Variants in KIF1C observed in about 807,000 individuals in gnomAD.
The protein encoded by KIF1C is kinesin-like protein KIF1C.
A neutral mutation model predicts 126.5 loss-of-function variants in KIF1C; 61 were observed. The ratio of observed to expected loss-of-function variants is 0.48; its 90% confidence interval spans 0.39 to 0.60. KIF1C has a LOEUF of 0.60. Ranked by LOEUF, KIF1C falls within the 20% of genes least tolerant of loss-of-function variation. KIF1C has a pLI of 0.00. For missense variants in KIF1C, 1,315 were observed against 1,489.2 expected, an observed-to-expected ratio of 0.88 and a Z score of 1.93; for synonymous variants, 640 against 580.6, an observed-to-expected ratio of 1.10 and a Z score of -1.47.
rs202231042 is a variant in KIF1C, at chr17:5,004,550, A to T, written c.941-17A>T. The T allele has an allele frequency of 1.0e-4, 166 of 1,613,040 alleles. No individual in the cohort carries two copies. The highest frequency in any genetic ancestry group is 1.6e-4 in the Middle Eastern group (1 of 6,076). ...CCCCTCCCTCAGCTGAAGCTTTTCCATGCACTCCATTCACAGGGGGGAACT... is the reference window on the plus strand; with the variant it reads ...CCCCTCCCTCAGCTGAAGCTTTTCCTTGCACTCCATTCACAGGGGGGAACT... On this transcript the variant is annotated splice_polypyrimidine_tract_variant and intron_variant, in intron 11 of 22. Coordinates refer to ENST00000320785, the MANE Select transcript of KIF1C (RefSeq NM_006612.6).
intron 13 of KIF1C, among the ~76,000 whole-genome samples, chr17:5,005,620 A>G (rs192354709): frequency 2.6e-4 from 39 of 152,156 alleles, no homozygotes; most frequent in African/African-American, 8.9e-4. Context: ...CATTTGAGGG[A>G]TTTTCTTGCA....
At chr17:5,008,317 A>C (rs780454818) in intron 16 of KIF1C, among the ~76,000 whole-genome samples, 3 of 152,220 alleles carry the variant, frequency 2.0e-5, no homozygotes, top group Non-Finnish European at 4.4e-5. Context: ...ATAGACAGCC[A>C]GCACCGCTGT....
chr17:5,005,653 T>C (rs533567886), intron 13 of KIF1C, among the ~76,000 whole-genome samples: 1 of 152,184 alleles, frequency 6.6e-6, no homozygotes, highest in African/African-American at 2.4e-5. Context: ...GTAAGGACTT[T>C]TTATCCCAGA....
chr17:5,005,745 T>G (rs1049908728), intron 13 of KIF1C, among the ~76,000 whole-genome samples: 1 of 145,430 alleles, frequency 6.9e-6, no homozygotes, highest in East Asian at 2.0e-4. Flanking sequence ...TTTTTTTTTT[T>G]GAGATGGAGT....
At chr17:5,009,237 C>A (rs542900574) in intron 16 of KIF1C, among the ~76,000 whole-genome samples, 1 of 151,052 alleles carries the variant, frequency 6.6e-6, no homozygotes, top group Non-Finnish European at 1.5e-5. Context: ...TGGAGTGCAA[C>A]GGTGCAATCT....
intron 18 of KIF1C, among the ~76,000 whole-genome samples, chr17:5,015,390 TCTC>T (rs1974951293): frequency 6.6e-6 from 1 of 151,722 alleles, no homozygotes; most frequent in Non-Finnish European, 1.5e-5. Context: ...TTCAAGCAAT[TCTC>T]CTGCCTCAGC....
chr17:5,023,588 C>A lies in KIF1C; in HGVS notation c.2749C>A (p.Pro917Thr), dbSNP rs200436795. 1.2e-4 allele frequency: 186 copies of A among 1,613,562 alleles called. No individual in the cohort carries two copies. The highest frequency in any genetic ancestry group is 1.5e-4 in the Non-Finnish European group (178 of 1,179,892). Residue 917 changes from proline (P) to threonine (T), a missense_variant, in exon 23 of 23, where the codon CCA becomes ACA. This residue lies in a region of KIF1C where 441 missense variants were observed against 436.1 expected (regional missense o/e 1.01). Transcript: ENST00000320785. The surrounding 1 kb of genome is among the most constrained non-coding windows in gnomAD (Gnocchi z 4.2). ...GCCGTCAGCCCGGCCCCCCTCGCCA[C>A]CACTGTCAAGCTGGGAGCGGGTGTC... is the stretch of plus-strand genomic sequence containing the variant. ...RMPSARPPSP[P>T]LSSWERVSRL...
At position 5,003,602 on chromosome 17, in the gene KIF1C, C is replaced by T. The variant is rs2143317663; in HGVS notation, c.721-10C>T. The T allele has an allele frequency of 3.1e-6, 5 of 1,606,506 alleles. No homozygotes were observed. The highest frequency in any genetic ancestry group is 4.3e-6 in the Non-Finnish European group (5 of 1,175,494). On this transcript the variant is annotated splice_polypyrimidine_tract_variant and intron_variant, in intron 8 of 22. Transcript: ENST00000320785. ...GCACCTTATCTCCTGCCTGTTTCCT[C>T]TGACCCCAGGTCAGTAAGATCAGTT... is the stretch of plus-strand genomic sequence containing the variant.
intron 21 of KIF1C, among the ~76,000 whole-genome samples, chr17:5,021,557 G>A (rs1975091581): frequency 6.6e-6 from 1 of 151,968 alleles, no homozygotes; most frequent in Non-Finnish European, 1.5e-5. Flanking sequence ...ATAGCTCACT[G>A]CAGCCTCGAA....
intron 16 of KIF1C, among the ~76,000 whole-genome samples, chr17:5,009,259 A>G (rs1974807061): frequency 6.6e-6 from 1 of 151,392 alleles, no homozygotes. Flanking sequence ...GGCTGACTGC[A>G]ACCTCCGCCT....
intron 18 of KIF1C, among the ~76,000 whole-genome samples, chr17:5,016,570 C>T (rs1033453079): frequency 1.3e-5 from 2 of 149,944 alleles, no homozygotes; most frequent in Non-Finnish European, 3.0e-5. Context: ...TAAAAAATAA[C>T]AAAAGACGCT....
intron 16 of KIF1C, among the ~76,000 whole-genome samples, chr17:5,013,265 A>T (rs1183416091): frequency 6.6e-6 from 1 of 152,138 alleles, no homozygotes; most frequent in Non-Finnish European, 1.5e-5. Flanking sequence ...ACAGAGGAAT[A>T]TAGGGAAGAA....
rs1975182579 is a variant in KIF1C at position 5,024,938 on chromosome 17, C to G, written c.*787C>G. The G allele has an allele frequency of 6.6e-6, 1 of 151,634 alleles. No individual in the cohort carries two copies. The highest frequency in any genetic ancestry group is 2.4e-5 in the African/African-American group (1 of 41,114). 9.4% of individuals were successfully genotyped at this position (151,634 alleles called of 1,614,324 possible). A position where few individuals can be genotyped will look rare whatever the true frequency, so the allele number is the denominator to read the frequency against. ...GCTTTTTTTTTTTGGGAGACAGGGT[C>G]TTGCTTTGTTGCCCAGGCTGGAGGT... On this transcript the variant is annotated 3_prime_UTR_variant, in exon 23 of 23. Transcript: ENST00000320785.
At chr17:5,015,509 C>A (rs1296335808) in intron 18 of KIF1C, among the ~76,000 whole-genome samples, 2 of 151,502 alleles carry the variant, frequency 1.3e-5, no homozygotes, top group African/African-American at 4.8e-5. Context: ...GTCTCGAACT[C>A]CTGACCTCAG....
At chr17:5,013,315 G>C (rs1451722929) in intron 16 of KIF1C, among the ~76,000 whole-genome samples, 2 of 152,134 alleles carry the variant, frequency 1.3e-5, no homozygotes, top group African/African-American at 4.8e-5. Context: ...GAGGGAGCCT[G>C]GTGGGTCGAG....
intron 18 of KIF1C, among the ~76,000 whole-genome samples, chr17:5,017,684 T>C (rs553943940): frequency 6.6e-6 from 1 of 152,018 alleles, no homozygotes; most frequent in South Asian, 2.1e-4. Flanking sequence ...CAGGTATGGA[T>C]GTAGAAGAAT....
At chr17:5,002,681 G>C in intron 7 of KIF1C, 39 bp downstream of exon 7, 2 of 1,612,486 alleles carry the variant, frequency 1.2e-6, no homozygotes, top group Non-Finnish European at 1.7e-6. Context: ...AGGGGGCCAG[G>C]GTTGGGAAGG....
Position 5,020,732 on chromosome 17 carries a change from C to T in KIF1C, c.1937+54C>T, listed in dbSNP as rs1975072321. Reference sequence around the variant, plus strand: ...GGCCGTCTAGGCCGTCCCTCCCGGGCCTCTGGGCCCGTGTCCTCCTCTTGT... The same window carrying T: ...GGCCGTCTAGGCCGTCCCTCCCGGGTCTCTGGGCCCGTGTCCTCCTCTTGT... On this transcript the variant is annotated intron_variant, in intron 20 of 22. Coordinates refer to ENST00000320785, the MANE Select transcript of KIF1C (RefSeq NM_006612.6). This position sits in a 1 kb window ranked among gnomAD's most constrained non-coding sequence, Gnocchi z 5.8. 1 of 1,608,412 alleles carries T rather than the reference C, an allele frequency of 6.2e-7. No individual in the cohort carries two copies. Among genetic ancestry groups the T allele is most frequent in the Non-Finnish European group, 8.5e-7 (1 of 1,176,752 alleles).
intron 8 of KIF1C, 31 bp downstream of exon 8, chr17:5,002,873 C>A: frequency 1.3e-6 from 2 of 1,521,568 alleles, no homozygotes; most frequent in Non-Finnish European, 9.1e-7. Flanking sequence ...ACTCCCCCAC[C>A]GGATGCAACC....
Sources: allele counts gnomAD v4.1 joint callset (sites outside exome capture counted in the v4.1 genomes callset), GRCh38; gene constraint gnomAD v4.1.1; regional missense constraint gnomAD v4.1.1; non-coding constraint Gnocchi (gnomAD v3.1); transcripts MANE v1.5; gene names NCBI Gene and HGNC (gene_info 2026-07-23, HGNC 2026-07-21).